The following CACNA1G variants were observed in gnomAD, a reference collection of about 807,000 sequenced individuals.
CACNA1G encodes calcium voltage-gated channel subunit alpha1 G, also known as voltage-dependent T-type calcium channel subunit alpha-1G.
CACNA1G carries 67 observed loss-of-function variants against 219.4 expected under a neutral mutation model. The ratio of observed to expected loss-of-function variants is 0.31; its 90% CI spans 0.25 to 0.37. CACNA1G has a LOEUF of 0.37. Among genes scored for constraint, CACNA1G ranks in the 10% least tolerant of loss-of-function variants. CACNA1G has a pLI of 1.00. For synonymous variants in CACNA1G, 1,296 were observed against 1,345.3 expected (o/e 0.96, Z 0.80); for missense variants, 2,380 against 3,231.4 (o/e 0.74, Z 6.39).
At position 50,619,017 on chromosome 17, in the gene CACNA1G, A is replaced by T. The variant is rs769074467; in HGVS notation, c.5781+9A>T. On this transcript the variant is annotated intron_variant, in intron 33 of 37. Coordinates refer to ENST00000359106, the MANE Select transcript of CACNA1G (RefSeq NM_018896.5). The stretch of plus-strand genomic sequence containing the variant: ...CCCTGGAGCACCCCACGGTGAGCAG[A>T]CACCCACCCCAGCCGTGAGAGGAGC... 21 of 1,507,570 alleles carry T rather than the reference A, an allele frequency of 1.4e-5. No individual in the cohort carries two copies. The highest frequency in any genetic ancestry group is 1.8e-5 in the Non-Finnish European group (20 of 1,131,598). The allele number at this position is 1,507,570 out of a possible 1,614,324, so 93.4% of individuals were successfully genotyped here. A position where few individuals can be genotyped will look rare whatever the true frequency, so the allele number is the denominator to read the frequency against.
In CACNA1G at chr17:50,582,426, T is replaced by C. The variant is rs554847060; in HGVS notation, c.2301+3862T>C. ...TGCAGGACCCAATCAGTTGGAAACATGGGTTGAGAGGAGGCAGCAAGGATG... is the reference window on the plus strand; with the variant it reads ...TGCAGGACCCAATCAGTTGGAAACACGGGTTGAGAGGAGGCAGCAAGGATG... On this transcript the variant is annotated intron_variant, in intron 9 of 37. Coordinates refer to ENST00000359106, the MANE Select transcript of CACNA1G (RefSeq NM_018896.5). 1.4e-4 allele frequency among the ~76,000 whole-genome samples: 21 copies of C among 152,032 alleles called. No homozygotes were observed. In the South Asian group the frequency reaches 2.1e-3, roughly 15 times the overall value.
rs1458903959 is a variant in CACNA1G at position 50,578,742 on chromosome 17, A to C, written c.2301+178A>C. ...CAATGCATGGGGATTCTCTAGAGGG[A>C]GTGCTTAAAGTCTCTGAGTATGGAG... On this transcript the variant is annotated intron_variant, in intron 9 of 37. Coordinates refer to ENST00000359106, the MANE Select transcript of CACNA1G (RefSeq NM_018896.5). This position sits in a 1 kb window ranked among gnomAD's most constrained non-coding sequence, Gnocchi z 4.5. Among the ~76,000 whole-genome samples the C allele has an allele frequency of 6.6e-6, 1 of 152,082 alleles. No individual in the cohort carries two copies. The highest frequency in any genetic ancestry group is 1.5e-5 in the Non-Finnish European group (1 of 68,006).
In CACNA1G at chr17:50,621,476, G is replaced by A. The variant is rs2052009015; in HGVS notation, c.5926-184G>A. ...ATCAGAGCAGGGGGTTGAAGTGGGT[G>A]CGGGGAGGCACTGTCAGCTTGTTTG... On this transcript the variant is annotated intron_variant, in intron 34 of 37. Coordinates refer to ENST00000359106, the MANE Select transcript of CACNA1G (RefSeq NM_018896.5). This position sits in a 1 kb window ranked among gnomAD's most constrained non-coding sequence, Gnocchi z 4.6. Among the ~76,000 whole-genome samples, 1 of 152,170 alleles carries A rather than the reference G, an allele frequency of 6.6e-6. No individual in the cohort carries two copies. The highest frequency in any genetic ancestry group is 2.1e-4 in the South Asian group (1 of 4,832).
At chr17:50,614,825 G>T (rs2146195644) in intron 26 of CACNA1G, among the ~76,000 whole-genome samples, 1 of 152,328 alleles carries the variant, frequency 6.6e-6, no homozygotes, top group East Asian at 1.9e-4. Flanking sequence ...AGGCCCTCTG[G>T]GTGGGTCAGT....
chr17:50,623,091 CTTTTTTTT>C (rs35688516), intron 35 of CACNA1G, among the ~76,000 whole-genome samples: 1 of 79,418 alleles, frequency 1.3e-5, no homozygotes, highest in Admixed American at 1.7e-4. Flanking sequence ...CTGCTGTTGG[CTTTTTTTT>C]TTTTTTTTTT....
intron 7 of CACNA1G, among the ~76,000 whole-genome samples, chr17:50,574,440 C>A (rs968960101): frequency 6.6e-6 from 1 of 152,242 alleles, no homozygotes; most frequent in Non-Finnish European, 1.5e-5. Context: ...TGCGTAACTT[C>A]CCCTGGTGCA....
chr17:50,572,501 C>T, intron 5 of CACNA1G, 53 bp from the exon 6 acceptor site: 1 of 1,421,148 alleles, frequency 7.0e-7, no homozygotes, highest in Non-Finnish European at 9.4e-7. Flanking sequence ...TGGGCCCTCT[C>T]CCTGGAGAGC....
Position 50,600,845 on chromosome 17 carries a change from G to T in CACNA1G, c.3791+19G>T. 1.3e-6 allele frequency: 2 copies of T among 1,595,766 alleles called. No homozygotes were observed. Among genetic ancestry groups the T allele is most frequent in the South Asian group, 2.2e-5 (2 of 90,734 alleles). On this transcript the variant is annotated intron_variant, in intron 18 of 37. Transcript: ENST00000359106. The surrounding 1 kb of genome is among the most constrained non-coding windows in gnomAD (Gnocchi z 4.1). ...AGTCCAGGTAAGTGACAGGGCAGGG[G>T]TCTGACCTGTGTCCCGACCTCTTCT...
In CACNA1G at chr17:50,617,720, G is replaced by A; in HGVS notation, c.5156-139G>A. 1.4e-6 allele frequency: 2 copies of A among 1,432,388 alleles called. No homozygotes were observed. The highest frequency in any genetic ancestry group is 9.6e-7 in the Non-Finnish European group (1 of 1,046,344). The allele number at this position is 1,432,388 out of a possible 1,614,324, so 88.7% of individuals were successfully genotyped here. A position where few individuals can be genotyped will look rare whatever the true frequency, so the allele number is the denominator to read the frequency against. ...CTTCTGCCAAGGGAGGCTGGAGACA[G>A]GGCTGAGGATGGGGATGCAACCTGG... On this transcript the variant is annotated intron_variant, in intron 29 of 37. Coordinates refer to ENST00000359106, the MANE Select transcript of CACNA1G (RefSeq NM_018896.5). The surrounding 1 kb of genome is among the most constrained non-coding windows in gnomAD (Gnocchi z 5.8).
Position 50,617,965 on chromosome 17 carries a change from G to A in CACNA1G, c.5226+36G>A, listed in dbSNP as rs370330451. 22 of 1,612,486 alleles carry A rather than the reference G, an allele frequency of 1.4e-5. No homozygotes were observed. Among genetic ancestry groups the A allele is most frequent in the Admixed American group, 1.0e-4 (6 of 60,006 alleles). ...GGTGGGGGGCCTCTGGGGAGGGGGA[G>A]GTGCTTTCCAGAGGGAAGGGGCTCA... is the stretch of plus-strand genomic sequence containing the variant. On this transcript the variant is annotated intron_variant, in intron 30 of 37. Coordinates refer to ENST00000359106, the MANE Select transcript of CACNA1G (RefSeq NM_018896.5). This position sits in a 1 kb window ranked among gnomAD's most constrained non-coding sequence, Gnocchi z 5.8.
At chr17:50,614,517 A>C (rs2050003462) in intron 26 of CACNA1G, among the ~76,000 whole-genome samples, 1 of 152,250 alleles carries the variant, frequency 6.6e-6, no homozygotes, top group Admixed American at 6.5e-5. Flanking sequence ...CCCCAGATTT[A>C]TTCTGCCTCC....
chr17:50,611,008 C>T (rs765056249), intron 26 of CACNA1G, among the ~76,000 whole-genome samples: 10 of 152,100 alleles, frequency 6.6e-5, no homozygotes, highest in Non-Finnish European at 1.5e-5. Flanking sequence ...GTAATCCCAG[C>T]ACTTTGGGAG....
chr17:50,604,344 C>T, intron 22 of CACNA1G, 63 bp downstream of exon 22: 1 of 1,582,734 alleles, frequency 6.3e-7, no homozygotes, highest in Non-Finnish European at 8.6e-7. Context: ...CCCCTTGGCC[C>T]CTGGGTCCTA....
At chr17:50,569,369 C>A (rs2038827271) in intron 3 of CACNA1G, 71 bp downstream of exon 3, 1 of 1,518,714 alleles carries the variant, frequency 6.6e-7, no homozygotes, top group Non-Finnish European at 9.1e-7. Context: ...GGGTTCTGGG[C>A]CTGTGACCTC....
At chr17:50,586,781 G>A (rs1246207266) in intron 9 of CACNA1G, among the ~76,000 whole-genome samples, 1 of 152,226 alleles carries the variant, frequency 6.6e-6, no homozygotes, top group South Asian at 2.1e-4. Flanking sequence ...CACACAGAAG[G>A]CACTTTTAGG....
Position 50,560,909 on chromosome 17 carries a change from G to A in CACNA1G, c.-551G>A, listed in dbSNP as rs1388466248. ...CCCTCCCGGACAGTGAGCCCGCGGC[G>A]GGGCGGGGGAAGGAGCCGCCCCCAC... On this transcript the variant is annotated 5_prime_UTR_variant, in exon 1 of 38. Coordinates refer to ENST00000359106, the MANE Select transcript of CACNA1G (RefSeq NM_018896.5). 6.6e-6 allele frequency among the ~76,000 whole-genome samples: 1 copy of A among 151,124 alleles called. No homozygotes were observed. The highest frequency in any genetic ancestry group is 6.6e-5 in the Admixed American group (1 of 15,222).
In CACNA1G at chr17:50,599,818, C is replaced by G. The variant is rs200787970; in HGVS notation, c.3649C>G (p.Pro1217Ala). 4.5e-5 allele frequency: 73 copies of G among 1,611,430 alleles called. No homozygotes were observed. The African/African-American group carries it at 8.9e-4, about 20-fold the overall frequency. ...RLARALRPDD[P>A]PLDGDDADDE... ...GGCCCGGGCCCTGCGGCCTGATGACCCCCCACTGGATGGGGATGACGCCGA... is the reference window on the plus strand; with the variant it reads ...GGCCCGGGCCCTGCGGCCTGATGACGCCCCACTGGATGGGGATGACGCCGA... Residue 1217 changes from proline (P) to alanine (A), a missense_variant, in exon 17 of 38, where the codon CCC becomes GCC. Pro to Ala is a conservative substitution (Grantham distance 27). Transcript: ENST00000359106.
Position 50,617,318 on chromosome 17 carries a change from G to A in CACNA1G, c.5022-120G>A. The A allele has an allele frequency of 9.0e-7, 1 of 1,106,218 alleles. No individual in the cohort carries two copies. Among genetic ancestry groups the A allele is most frequent in the Non-Finnish European group, 1.3e-6 (1 of 782,256 alleles). 68.5% of individuals were successfully genotyped at this position (1,106,218 alleles called of 1,614,324 possible). On this transcript the variant is annotated intron_variant, in intron 28 of 37. Coordinates refer to ENST00000359106, the MANE Select transcript of CACNA1G (RefSeq NM_018896.5). This position sits in a 1 kb window ranked among gnomAD's most constrained non-coding sequence, Gnocchi z 5.8. ...AAGCCACGCCTCTTCTCTGTGGGAT[G>A]GGAGGCTGGACCCGCTGATGTCTGC...
At chr17:50,588,140 C>G (rs1197627729) in intron 9 of CACNA1G, among the ~76,000 whole-genome samples, 1 of 152,200 alleles carries the variant, frequency 6.6e-6, no homozygotes, top group African/African-American at 2.4e-5. Flanking sequence ...CGTACCTCAG[C>G]TGTGTCTTCA....
Sources: gnomAD v4.1 joint callset for allele counts (sites outside exome capture counted in the v4.1 genomes callset) on GRCh38, gnomAD v4.1.1 for gene constraint, Gnocchi (gnomAD v3.1) non-coding constraint, MANE v1.5 for transcripts, NCBI Gene and HGNC (gene_info 2026-07-23, HGNC 2026-07-21) for gene names.